The following PTCH2 variants were observed in gnomAD, a reference collection of about 807,000 sequenced individuals.
The protein encoded by PTCH2 is protein patched homolog 2.
In PTCH2, 96 loss-of-function variants were observed where a neutral mutation model predicts 117.9. That is an observed-to-expected ratio of 0.81 (90% confidence interval 0.69 to 0.96). The LOEUF (loss-of-function observed/expected upper bound fraction) is 0.96. PTCH2 is among the 50% of genes least tolerant of loss of function. PTCH2 has a pLI of 0.00. For missense variants in PTCH2, 1,379 were observed against 1,562.5 expected, an observed-to-expected ratio of 0.88 and a Z score of 1.98; for synonymous variants, 615 against 660.9, an observed-to-expected ratio of 0.93 and a Z score of 1.06.
chr1:44,827,356 G>A (rs367690650), intron 15 of PTCH2, 46 bp downstream of exon 15: 64 of 1,613,146 alleles, frequency 4.0e-5, no homozygotes, highest in Admixed American at 5.0e-5. Flanking sequence ...GCCCCAGGGC[G>A]TTTCTCCCTG....
chr1:44,831,055 G>A lies in PTCH2; in HGVS notation c.618-12C>T. 1 of 1,608,986 alleles carries A rather than the reference G, an allele frequency of 6.2e-7. No homozygotes were observed. The highest frequency in any genetic ancestry group is 1.1e-5 in the South Asian group (1 of 90,742). ...TATCCGGGCGGCCGCTGAGGGAAAA[G>A]CCTATAGTTGGTGAGGGTCAGGGAC... On this transcript the variant is annotated splice_polypyrimidine_tract_variant and intron_variant, in intron 5 of 21. Transcript: ENST00000372192. The surrounding 1 kb of genome is among the most constrained non-coding windows in gnomAD (Gnocchi z 4.3).
chr1:44,826,896 A>T lies in PTCH2; in HGVS notation c.2695+6T>A. The stretch of plus-strand genomic sequence containing the variant: ...AGGCTCTTGCCGAGCTCCCCCCAAG[A>T]CTCACTGCGAAGGTTCTCCCCCGTG... On this transcript the variant is annotated splice_donor_region_variant and intron_variant, in intron 17 of 21. Transcript: ENST00000372192. The surrounding 1 kb of genome is among the most constrained non-coding windows in gnomAD (Gnocchi z 5.1). 1 of 1,613,810 alleles carries T rather than the reference A, an allele frequency of 6.2e-7. No homozygotes were observed. The highest frequency in any genetic ancestry group is 8.5e-7 in the Non-Finnish European group (1 of 1,179,978).
Position 44,826,742 on chromosome 1 carries a change from C to T in PTCH2, c.2722G>A (p.Ala908Thr), listed in dbSNP as rs1320606985. 8.2e-6 allele frequency: 13 copies of T among 1,594,822 alleles called. No homozygotes were observed. The highest frequency in any genetic ancestry group is 1.0e-5 in the Non-Finnish European group (12 of 1,168,698). ...CCACGCAGCAGGAAGGGGAACTGGG[C>T]AAACTCCAAGGGCTGAGCTGGCGGG... ...RIPPAQPLEF[A>T]QFPFLLRGLQ... The change falls in exon 18 of 22, where the codon GCC becomes ACC. Residue 908 changes from alanine (A) to threonine (T), a missense_variant. By Grantham distance (58) the Ala-to-Thr change is moderately conservative. Coordinates refer to ENST00000372192, the MANE Select transcript of PTCH2 (RefSeq NM_003738.5). This position sits in a 1 kb window ranked among gnomAD's most constrained non-coding sequence, Gnocchi z 5.1.
chr1:44,835,233 T>C (rs1186949491), intron 2 of PTCH2, among the ~76,000 whole-genome samples: 1 of 152,112 alleles, frequency 6.6e-6, no homozygotes, highest in Non-Finnish European at 1.5e-5. Flanking sequence ...ATGTTTGTAT[T>C]TTTTGTAGAG....
Position 44,830,871 on chromosome 1 carries a change from C to A in PTCH2, c.790G>T (p.Ala264Ser). 2 of 1,563,550 alleles carry A rather than the reference C, an allele frequency of 1.3e-6. No individual in the cohort carries two copies. The highest frequency in any genetic ancestry group is 1.8e-5 in the Admixed American group (1 of 55,964). Reference sequence around the variant, plus strand: ...ACCTGCCTGCTGTGATGGTTGGGGGCACTAGGTGGGCAGTGGAGGTCATCA... The same window carrying A: ...ACCTGCCTGCTGTGATGGTTGGGGGAACTAGGTGGGCAGTGGAGGTCATCA... ...HPDDLHCPPS[A>S]PNHHSRQAPN... is the part of the protein sequence containing the mutation. Residue 264 changes from alanine to serine, a missense_variant, in exon 6 of 22, where the codon GCC becomes TCC. By Grantham distance (99) the Ala-to-Ser change is moderately conservative. Transcript: ENST00000372192.
Position 44,829,706 on chromosome 1 carries a change from G to A in PTCH2, c.991C>T (p.His331Tyr), listed in dbSNP as rs200534670. Residue 331 changes from histidine to tyrosine, a missense_variant, in exon 8 of 22, where the codon CAT becomes TAT. Physicochemically the swap from His to Tyr is moderately conservative, Grantham distance 83. Coordinates refer to ENST00000372192, the MANE Select transcript of PTCH2 (RefSeq NM_003738.5). ...LLMSPRQLYE[H>Y]FRGDYQTHDI... is the part of the protein sequence containing the mutation. Reference sequence around the variant, plus strand: ...TGTGTCTGATAGTCACCCCGGAAATGCTCGTACAGCTGGCGGGGACTCATC... The same window carrying A: ...TGTGTCTGATAGTCACCCCGGAAATACTCGTACAGCTGGCGGGGACTCATC... 1.3e-5 allele frequency: 21 copies of A among 1,614,122 alleles called. No individual in the cohort carries two copies. In the Admixed American group the frequency reaches 1.5e-4, roughly 12 times the overall value.
chr1:44,829,375 G>C, intron 9 of PTCH2, 27 bp downstream of exon 9: 2 of 1,614,074 alleles, frequency 1.2e-6, no homozygotes, highest in Non-Finnish European at 1.7e-6. Flanking sequence ...GGTGGGGTGG[G>C]GGCAAGGTGC....
rs751579508 is a variant in PTCH2, at chr1:44,826,748, C to G, written c.2716G>C (p.Glu906Gln). ...NLRIPPAQPL[E>Q]FAQFPFLLRG... Reference sequence around the variant, plus strand: ...AGCAGGAAGGGGAACTGGGCAAACTCCAAGGGCTGAGCTGGCGGGACTGTG... The same window carrying G: ...AGCAGGAAGGGGAACTGGGCAAACTGCAAGGGCTGAGCTGGCGGGACTGTG... The change falls in exon 18 of 22, where the codon GAG (glutamate) becomes CAG (glutamine). Residue 906 changes from glutamate to glutamine, a missense_variant. Glu to Gln is a conservative substitution (Grantham distance 29). Transcript: ENST00000372192. The surrounding 1 kb of genome is among the most constrained non-coding windows in gnomAD (Gnocchi z 5.1). 6 of 1,596,042 alleles carry G rather than the reference C, an allele frequency of 3.8e-6. No homozygotes were observed. Among genetic ancestry groups the G allele is most frequent in the East Asian group, 2.2e-5 (1 of 44,636 alleles).
chr1:44,823,202 C>A lies in PTCH2; in HGVS notation c.3258-34G>T, dbSNP rs1467114173. The stretch of plus-strand genomic sequence containing the variant: ...AGGGTGTGGGGGGAGTCAGCCCAGG[C>A]CTGTCCTGAGCCCTGCCTCCCTGCC... On this transcript the variant is annotated intron_variant, in intron 20 of 21. Transcript: ENST00000372192. This position sits in a 1 kb window ranked among gnomAD's most constrained non-coding sequence, Gnocchi z 5.1. 1 of 1,614,134 alleles carries A rather than the reference C, an allele frequency of 6.2e-7. No individual in the cohort carries two copies. Among genetic ancestry groups the A allele is most frequent in the African/African-American group, 1.3e-5 (1 of 75,034 alleles).
intron 2 of PTCH2, among the ~76,000 whole-genome samples, chr1:44,839,149 C>T (rs924525247): frequency 2.0e-5 from 3 of 151,974 alleles, no homozygotes; most frequent in South Asian, 2.1e-4. Context: ...CCAAGGCGGG[C>T]GGATCACAAG....
chr1:44,832,068 G>A (rs1347661251), intron 3 of PTCH2, 24 bp from the exon 4 acceptor site: 1 of 1,612,338 alleles, frequency 6.2e-7, no homozygotes, highest in Non-Finnish European at 8.5e-7. Flanking sequence ...GGGCATAGGA[G>A]ATCAGCAGAA....
At chr1:44,819,932 T>C (rs772331828), downstream of PTCH2, 3 of 153,282 alleles carry the variant, frequency 2.0e-5, no homozygotes, top group Non-Finnish European at 2.9e-5. Context: ...ACTCACAACT[T>C]TCTCTCCACG....
At chr1:44,819,879 A>C (rs887917653), downstream of PTCH2, 1 of 153,104 alleles carries the variant, frequency 6.5e-6, no homozygotes, top group South Asian at 2.0e-4. Context: ...ATACTTAAAA[A>C]TGTAGCCTCA....
Position 44,841,898 on chromosome 1 carries a change from C to T in PTCH2, c.214G>A (p.Gly72Ser). The T allele has an allele frequency of 6.2e-7, 1 of 1,614,210 alleles. No homozygotes were observed. The highest frequency in any genetic ancestry group is 8.5e-7 in the Non-Finnish European group (1 of 1,180,034). Residue 72 changes from glycine (G) to serine (S), a missense_variant, in exon 2 of 22, where the codon GGT becomes AGT. Gly to Ser is a moderately conservative substitution (Grantham distance 56). Transcript: ENST00000372192. Reference protein sequence around the residue: ...GLLAFGALALGLRMAIIETNL... With the variant: ...GLLAFGALALSLRMAIIETNL... The stretch of plus-strand genomic sequence containing the variant: ...GTCTCAATAATGGCCATGCGGAGAC[C>T]TAATGCCAGGGCCCCAAAGGCCAAC...
chr1:44,822,198 T>A lies in PTCH2; in HGVS notation c.*217A>T. Reference sequence around the variant, plus strand: ...TGCAGCCCCAAGTGCCAGCTTTCACTCTCAAGTGACACAGATACAGGCTCA... The same window carrying A: ...TGCAGCCCCAAGTGCCAGCTTTCACACTCAAGTGACACAGATACAGGCTCA... On this transcript the variant is annotated 3_prime_UTR_variant, in exon 22 of 22. Coordinates refer to ENST00000372192, the MANE Select transcript of PTCH2 (RefSeq NM_003738.5). 6.9e-7 allele frequency: 1 copy of A among 1,442,322 alleles called. No homozygotes were observed. Among genetic ancestry groups the A allele is most frequent in the Non-Finnish European group, 9.1e-7 (1 of 1,103,876 alleles). The allele number at this position is 1,442,322 out of a possible 1,614,324, so 89.3% of individuals were successfully genotyped here. A position where few individuals can be genotyped will look rare whatever the true frequency, so the allele number is the denominator to read the frequency against.
Position 44,843,252 on chromosome 1 carries a change from G to A in PTCH2, c.-320C>T. ...CACAGCAGGGCTCGAGGTGGCAACT[G>A]CAGTCCCCGGGAGGCGGCTGGAGCT... On this transcript the variant is annotated 5_prime_UTR_variant, in exon 1 of 22. Coordinates refer to ENST00000372192, the MANE Select transcript of PTCH2 (RefSeq NM_003738.5). 1 of 985,424 alleles carries A rather than the reference G, an allele frequency of 1.0e-6. No homozygotes were observed. The highest frequency in any genetic ancestry group is 4.7e-5 in the South Asian group (1 of 21,288). 61.0% of individuals were successfully genotyped at this position (985,424 alleles called of 1,614,324 possible).
At chr1:44,819,980 G>GT (rs1417165634), downstream of PTCH2, 1 of 154,958 alleles carries the variant, frequency 6.5e-6, no homozygotes, top group Non-Finnish European at 1.4e-5. Context: ...TATGCGCTTT[G>GT]AAGAGAAACC....
downstream of PTCH2, chr1:44,819,893 A>G (rs561362432): frequency 6.5e-6 from 1 of 153,386 alleles, no homozygotes; most frequent in African/African-American, 2.4e-5. Flanking sequence ...AGCCTCAGGA[A>G]ATAAGAGGCC....
chr1:44,830,677 A>C (rs963371301), intron 6 of PTCH2, among the ~76,000 whole-genome samples, 171 bp downstream of exon 6: 2 of 151,702 alleles, frequency 1.3e-5, no homozygotes, highest in African/African-American at 4.8e-5. Context: ...TCCGTAGGAT[A>C]ACTGAATGGG....
Sources: gnomAD v4.1 joint callset for allele counts (sites outside exome capture counted in the v4.1 genomes callset) on GRCh38, gnomAD v4.1.1 for gene constraint, Gnocchi (gnomAD v3.1) non-coding constraint, MANE v1.5 for transcripts, NCBI Gene and HGNC (gene_info 2026-07-23, HGNC 2026-07-21) for gene names.